Variants in COQ7 observed in about 807,000 individuals in gnomAD.
The protein encoded by COQ7 is NADPH-dependent 3-demethoxyubiquinone 3-hydroxylase, mitochondrial.
Under a neutral mutation model 25.0 loss-of-function variants are expected in COQ7, and 21 were observed. That is an observed-to-expected ratio of 0.84 (90% CI 0.60 to 1.21). The LOEUF is 1.21. COQ7 is among the 50% of genes most tolerant of loss of function. The probability of loss-of-function intolerance (pLI) is 0.00; values close to 1 mark genes in which losing one functional copy is unlikely to be tolerated. For missense variants in COQ7, 311 were observed against 296.2 expected (o/e 1.05, Z -0.37); for synonymous variants, 125 against 112.4 (o/e 1.11, Z -0.71).
intron 4 of COQ7, among the ~76,000 whole-genome samples, chr16:19,076,780 C>T (rs999111318): frequency 4.0e-5 from 6 of 151,588 alleles, no homozygotes; most frequent in East Asian, 1.9e-4. Context: ...TTAGTAGAGA[C>T]GGGGTTTCAC....
chr16:19,069,394 G>A (rs1405911140), intron 1 of COQ7, among the ~76,000 whole-genome samples: 1 of 148,752 alleles, frequency 6.7e-6, no homozygotes, highest in South Asian at 2.1e-4. Flanking sequence ...AAAAAGGAAA[G>A]AGCCTGATTA....
chr16:19,071,158 C>CA (rs1330669936), intron 1 of COQ7, among the ~76,000 whole-genome samples: 3 of 152,114 alleles, frequency 2.0e-5, no homozygotes, highest in Admixed American at 1.3e-4. Flanking sequence ...TGTTTTTAGA[C>CA]AGAGTCTCAC....
chr16:19,068,328 C>T, intron 1 of COQ7: 1 of 990,190 alleles, frequency 1.0e-6, no homozygotes, highest in Non-Finnish European at 1.2e-6. Flanking sequence ...CTGGTTCCTG[C>T]TTTCCTTGTT....
downstream of COQ7, among the ~76,000 whole-genome samples, chr16:19,082,174 T>C (rs183608984): frequency 7.9e-5 from 12 of 152,240 alleles, no homozygotes. Flanking sequence ...TAAAAAGGAA[T>C]AAAGTAGTGA....
chr16:19,067,951 CGGCAGTGACGCCTG>C (rs539364623), intron 1 of COQ7: 40 of 1,435,396 alleles, frequency 2.8e-5, no homozygotes, highest in South Asian at 4.4e-5. Flanking sequence ...GGGGTTGTTT[CGGCAGTGACGCCTG>C]GGGAGTGACG....
At chr16:19,080,289 A>C (rs1207641951), downstream of COQ7, among the ~76,000 whole-genome samples, 1 of 152,230 alleles carries the variant, frequency 6.6e-6, no homozygotes, top group Non-Finnish European at 1.5e-5. Context: ...TTTATGTAAT[A>C]GTAAAGGATA....
At chr16:19,072,198 C>T in intron 2 of COQ7, 92 bp downstream of exon 2, 2 of 1,470,394 alleles carry the variant, frequency 1.4e-6, no homozygotes, top group East Asian at 2.3e-5. Context: ...CAAGCGTTCC[C>T]TAGGGAGATG....
intron 4 of COQ7, 149 bp downstream of exon 4, chr16:19,076,009 A>G: frequency 1.0e-6 from 1 of 999,042 alleles, no homozygotes; most frequent in Non-Finnish European, 1.5e-6. Flanking sequence ...GAGCAAACTG[A>G]GGAACAGAGA....
downstream of COQ7, among the ~76,000 whole-genome samples, chr16:19,080,396 G>T (rs1963071726): frequency 6.6e-6 from 1 of 152,192 alleles, no homozygotes; most frequent in Non-Finnish European, 1.5e-5. Flanking sequence ...CTTTTAATGG[G>T]TAAAGGTTTT....
At position 19,071,093 on chromosome 16, in the gene COQ7, C is replaced by T. The variant is rs1962532140; in HGVS notation, c.74-835C>T. Reference sequence around the variant, plus strand: ...CAAGGCTAGTCTCAAAATCGAATGCCCAACGGTGTGGGGTTTTTAATTTTT... The same window carrying T: ...CAAGGCTAGTCTCAAAATCGAATGCTCAACGGTGTGGGGTTTTTAATTTTT... On this transcript the variant is annotated intron_variant, in intron 1 of 5. Transcript: ENST00000321998. Among the ~76,000 whole-genome samples, 2 of 151,960 alleles carry T rather than the reference C, an allele frequency of 1.3e-5. 1 individual carries two copies. Among genetic ancestry groups the T allele is most frequent in the South Asian group, 4.2e-4 (2 of 4,806 alleles).
intron 2 of COQ7, among the ~76,000 whole-genome samples, chr16:19,073,179 C>G: frequency 6.6e-6 from 1 of 152,090 alleles, no homozygotes; most frequent in Non-Finnish European, 1.5e-5. Context: ...CATGGTGGTG[C>G]ATGCCTGTAG....
chr16:19,076,254 ATT>A (rs765074767), intron 4 of COQ7, among the ~76,000 whole-genome samples: 27 of 120,700 alleles, frequency 2.2e-4, no homozygotes, highest in Admixed American at 4.4e-4. Context: ...CTCACAGCTA[ATT>A]TTTTTTTTTT....
At chr16:19,071,064 G>C (rs1190494712) in intron 1 of COQ7, among the ~76,000 whole-genome samples, 1 of 152,162 alleles carries the variant, frequency 6.6e-6, no homozygotes, top group Non-Finnish European at 1.5e-5. Flanking sequence ...TGAAATCTAG[G>C]CTCCAAGGCT....
At chr16:19,076,887 C>T (rs1306680123) in intron 4 of COQ7, among the ~76,000 whole-genome samples, 3 of 152,178 alleles carry the variant, frequency 2.0e-5, no homozygotes, top group Non-Finnish European at 4.4e-5. Context: ...CCACCGCGCC[C>T]GGCCCACTTC....
rs191891434 is a variant in COQ7 at position 19,071,120 on chromosome 16, T to C, written c.74-808T>C. 4.3e-3 allele frequency among the ~76,000 whole-genome samples: 647 copies of C among 149,184 alleles called. 4 individuals are homozygous for C. The highest frequency in any genetic ancestry group is 7.2e-3 in the Non-Finnish European group (480 of 66,682). ...AACGGTGTGGGGTTTTTAATTTTTTTTTCTGTTTTTGTTTGTTTGTTTGTT... is the reference window on the plus strand; with the variant it reads ...AACGGTGTGGGGTTTTTAATTTTTTCTTCTGTTTTTGTTTGTTTGTTTGTT... On this transcript the variant is annotated intron_variant, in intron 1 of 5. Coordinates refer to ENST00000321998, the MANE Select transcript of COQ7 (RefSeq NM_016138.5).
intron 2 of COQ7, among the ~76,000 whole-genome samples, chr16:19,073,218 A>G (rs542790221): frequency 1.3e-5 from 2 of 152,146 alleles, no homozygotes; most frequent in African/African-American, 4.8e-5. Flanking sequence ...CTGAGGCAAG[A>G]GAATCACTTG....
rs1963019616 is a variant in COQ7 at position 19,079,276 on chromosome 16, A to G, written c.*1118A>G. 6.6e-6 allele frequency: 1 copy of G among 152,266 alleles called. No individual in the cohort carries two copies. The highest frequency in any genetic ancestry group is 3.4e-3 in the Middle Eastern group (1 of 294). The allele number at this position is 152,266 out of a possible 1,614,324, so 9.4% of individuals were successfully genotyped here. A position where few individuals can be genotyped will look rare whatever the true frequency, so the allele number is the denominator to read the frequency against. On this transcript the variant is annotated 3_prime_UTR_variant, in exon 6 of 6. Transcript: ENST00000321998. ...GTTTATAAGCCACCCAGACTGTGGT[A>G]TTTTGTTATAGCAGCCTGAACAGAC... is the stretch of plus-strand genomic sequence containing the variant.
intron 1 of COQ7, among the ~76,000 whole-genome samples, chr16:19,069,746 C>T (rs570081689): frequency 4.6e-5 from 7 of 151,224 alleles, no homozygotes; most frequent in South Asian, 2.1e-4. Flanking sequence ...CCTGATTTTC[C>T]CAAGGCTAGT....
intron 1 of COQ7, among the ~76,000 whole-genome samples, chr16:19,069,408 C>CA (rs1596818931): frequency 8.4e-6 from 1 of 118,902 alleles, no homozygotes; most frequent in Non-Finnish European, 1.8e-5. Flanking sequence ...CTGATTATTG[C>CA]CTTTTTTTTT....
Sources: allele counts gnomAD v4.1 joint callset (sites outside exome capture counted in the v4.1 genomes callset), GRCh38; gene constraint gnomAD v4.1.1; transcripts MANE v1.5; gene names NCBI Gene and HGNC (gene_info 2026-07-23, HGNC 2026-07-21).